The following IFT74 variants were observed in gnomAD, a reference collection of about 807,000 sequenced individuals.
IFT74 encodes intraflagellar transport protein 74 homolog.
IFT74 carries 92 observed loss-of-function variants against 96.7 expected under a neutral mutation model. That is an observed-to-expected ratio of 0.95 (90% CI 0.80 to 1.13). The LOEUF (loss-of-function observed/expected upper bound fraction) is 1.13. IFT74 is among the 50% of genes most tolerant of loss of function. The probability of loss-of-function intolerance (pLI) is 0.00; values close to 1 mark genes in which losing one functional copy is unlikely to be tolerated. For missense variants in IFT74, 811 were observed against 698.2 expected (o/e 1.16, Z -1.82); for synonymous variants, 223 against 213.2 (o/e 1.05, Z -0.40).
intron 18 of IFT74, among the ~76,000 whole-genome samples, chr9:27,057,842 A>G (rs1820236067): frequency 6.6e-6 from 1 of 151,876 alleles, no homozygotes; most frequent in Admixed American, 6.6e-5. Context: ...TGGGTGACAG[A>G]GCGAGACTCT....
At chr9:27,052,415 G>A (rs182505549) in intron 16 of IFT74, among the ~76,000 whole-genome samples, 98 of 149,464 alleles carry the variant, frequency 6.6e-4, no homozygotes, top group African/African-American at 2.3e-3. Context: ...GGCTGAGGCC[G>A]AAGAATCACT....
At position 27,028,991 on chromosome 9, in the gene IFT74, T is replaced by G. The variant is rs574361807; in HGVS notation, c.975-34T>G. On this transcript the variant is annotated intron_variant, in intron 12 of 19. Coordinates refer to ENST00000380062, the MANE Select transcript of IFT74 (RefSeq NM_025103.4). ...ATTGTTTTTATTGAATGTCTATATT[T>G]CCTTCATAAATTCATTAAAAATATT... 5.9e-6 allele frequency: 9 copies of G among 1,532,786 alleles called. No individual in the cohort carries two copies. The South Asian group carries it at 1.1e-4, about 19-fold the overall frequency. 94.9% of individuals were successfully genotyped at this position (1,532,786 alleles called of 1,614,324 possible).
Position 27,064,360 on chromosome 9 carries a change from T to C in IFT74, c.*1624T>C, listed in dbSNP as rs1820544686. Among the ~76,000 whole-genome samples, 1 of 152,120 alleles carries C rather than the reference T, an allele frequency of 6.6e-6. No individual in the cohort carries two copies. The highest frequency in any genetic ancestry group is 1.5e-5 in the Non-Finnish European group (1 of 67,984). On this transcript the variant is annotated 3_prime_UTR_variant, in exon 20 of 20. Coordinates refer to ENST00000380062, the MANE Select transcript of IFT74 (RefSeq NM_025103.4). ...GGAAATTGGTAGCAGAAAGTGCTTATAAAATTTCACAAGGGAAAAAAACTC... is the reference window on the plus strand; with the variant it reads ...GGAAATTGGTAGCAGAAAGTGCTTACAAAATTTCACAAGGGAAAAAAACTC...
At position 26,978,199 on chromosome 9, in the gene IFT74, A is replaced by T. The variant is rs367699955; in HGVS notation, c.192A>T (p.Gln64His). ...GGACTGGTGGAGTTCTGTCTTCTCA[A>T]ATCAAAGTTGCCCATCGCCCTGTAA... is the stretch of plus-strand genomic sequence containing the variant. ...PIGTGGVLSS[Q>H]IKVAHRPVTQ... is the part of the protein sequence containing the mutation. The change falls in exon 3 of 20, where the codon CAA (glutamine) becomes CAT (histidine). Residue 64 changes from glutamine (Q) to histidine (H), a missense_variant. Transcript: ENST00000380062. 13 of 1,613,598 alleles carry T rather than the reference A, an allele frequency of 8.1e-6. No homozygotes were observed. The highest frequency in any genetic ancestry group is 1.1e-5 in the Non-Finnish European group (13 of 1,179,908).
At chr9:26,953,616 A>G (rs1825998700), upstream of IFT74, among the ~76,000 whole-genome samples, 1 of 152,096 alleles carries the variant, frequency 6.6e-6, no homozygotes, top group Admixed American at 6.5e-5. Context: ...TCTCTATTTT[A>G]CAGTAGAATA....
intron 10 of IFT74, among the ~76,000 whole-genome samples, chr9:27,014,144 G>A (rs1387545787): frequency 1.3e-5 from 2 of 152,128 alleles, no homozygotes; most frequent in African/African-American, 4.8e-5. Flanking sequence ...GAACCCAGGA[G>A]GCAGAGCTTG....
At chr9:26,948,868 T>A (rs2131449448) in intron 1 of IFT74, among the ~76,000 whole-genome samples, 1 of 152,284 alleles carries the variant, frequency 6.6e-6, no homozygotes, top group South Asian at 2.1e-4. Flanking sequence ...ACTCTAGACA[T>A]TTCGAATTTG....
rs184606233 is a variant in IFT74 at position 27,052,037 on chromosome 9, A to T, written c.1334-3572A>T. 3.1e-3 allele frequency among the ~76,000 whole-genome samples: 471 copies of T among 152,328 alleles called. 1 individual carries two copies. The highest frequency in any genetic ancestry group is 6.8e-3 in the Middle Eastern group (2 of 294). Reference sequence around the variant, plus strand: ...ACCTTCATGCCTAAGTTTTTCATTTATCTAAAGTCAATGTAAATTCAACAA... The same window carrying T: ...ACCTTCATGCCTAAGTTTTTCATTTTTCTAAAGTCAATGTAAATTCAACAA... On this transcript the variant is annotated intron_variant, in intron 16 of 19. Transcript: ENST00000380062.
Position 26,997,754 on chromosome 9 carries a change from C to T in IFT74, c.587+7559C>T. On this transcript the variant is annotated intron_variant, in intron 8 of 19. Transcript: ENST00000380062. ...TAATGTCACATTTGATGTGTTCAACCAGTTCTGCAAATTAAATAGACTGCA... is the reference window on the plus strand; with the variant it reads ...TAATGTCACATTTGATGTGTTCAACTAGTTCTGCAAATTAAATAGACTGCA... 6.2e-6 allele frequency: 10 copies of T among 1,609,506 alleles called. No homozygotes were observed. In the South Asian group the frequency reaches 1.1e-4, roughly 18 times the overall value.
At chr9:27,015,200 T>C (rs1033654199) in intron 10 of IFT74, among the ~76,000 whole-genome samples, 2 of 152,214 alleles carry the variant, frequency 1.3e-5, no homozygotes, top group Admixed American at 1.3e-4. Context: ...TTCTTCTATG[T>C]CTTTTTAGCA....
chr9:27,065,038 C>T lies in IFT74; in HGVS notation c.*2302C>T, dbSNP rs894051551. ...TCCTTGACTCTAGAACTGAACCAAT[C>T]TTTACGCAGAAAGAAAGTAGGAGGA... On this transcript the variant is annotated 3_prime_UTR_variant, in exon 20 of 20. Coordinates refer to ENST00000380062, the MANE Select transcript of IFT74 (RefSeq NM_025103.4). Among the ~76,000 whole-genome samples the T allele has an allele frequency of 2.6e-5, 4 of 152,102 alleles. No individual in the cohort carries two copies. Among genetic ancestry groups the T allele is most frequent in the African/African-American group, 9.7e-5 (4 of 41,428 alleles).
At chr9:26,966,560 T>C (rs960545138) in intron 2 of IFT74, among the ~76,000 whole-genome samples, 5 of 152,116 alleles carry the variant, frequency 3.3e-5, no homozygotes, top group African/African-American at 1.2e-4. Context: ...GAGCACCTTA[T>C]ATATTCTGTT....
Position 27,048,097 on chromosome 9 carries a change from A to G in IFT74, c.1207-51A>G, listed in dbSNP as rs1361735271. The G allele has an allele frequency of 2.2e-6, 3 of 1,352,352 alleles. No individual in the cohort carries two copies. In the South Asian group the frequency reaches 4.6e-5, roughly 21 times the overall value. 83.8% of individuals were successfully genotyped at this position (1,352,352 alleles called of 1,614,324 possible). Reference sequence around the variant, plus strand: ...GTGTTTTCCAAGAGTTTTATTGAGAACTAACTAAATCAGTGGATTTTTTTC... The same window carrying G: ...GTGTTTTCCAAGAGTTTTATTGAGAGCTAACTAAATCAGTGGATTTTTTTC... On this transcript the variant is annotated intron_variant, in intron 15 of 19. Coordinates refer to ENST00000380062, the MANE Select transcript of IFT74 (RefSeq NM_025103.4).
At chr9:27,049,491 G>A (rs1466927346) in intron 16 of IFT74, among the ~76,000 whole-genome samples, 2 of 152,132 alleles carry the variant, frequency 1.3e-5, no homozygotes, top group Non-Finnish European at 2.9e-5. Context: ...TTCTAATGTG[G>A]GTAGAAGGTG....
chr9:27,008,994 G>T, intron 8 of IFT74, 26 bp from the exon 9 acceptor site: 1 of 1,588,638 alleles, frequency 6.3e-7, no homozygotes, highest in South Asian at 1.1e-5. Flanking sequence ...TATAGTATCA[G>T]GAATATTACG....
intron 7 of IFT74, among the ~76,000 whole-genome samples, chr9:26,989,701 G>A (rs1339842115): frequency 6.6e-6 from 1 of 152,024 alleles, no homozygotes; most frequent in African/African-American, 2.4e-5. Context: ...TGGGATGGGG[G>A]GTCTGTTTTC....
intron 1 of IFT74, among the ~76,000 whole-genome samples, chr9:26,960,460 T>C (rs890675270): frequency 4.6e-5 from 7 of 152,244 alleles, no homozygotes. Flanking sequence ...TGAAACAATG[T>C]TTACCCTTCA....
At chr9:27,049,269 C>G (rs1819826812) in intron 16 of IFT74, among the ~76,000 whole-genome samples, 1 of 152,114 alleles carries the variant, frequency 6.6e-6, no homozygotes, top group Admixed American at 6.6e-5. Context: ...TGCAAATAGA[C>G]TAGTACACAT....
chr9:27,051,053 T>C (rs1034879783), intron 16 of IFT74, among the ~76,000 whole-genome samples: 1 of 152,204 alleles, frequency 6.6e-6, no homozygotes, highest in African/African-American at 2.4e-5. Context: ...TTTATGCTTT[T>C]TGCTATAGAA....
Sources: allele counts gnomAD v4.1 joint callset (sites outside exome capture counted in the v4.1 genomes callset), GRCh38; gene constraint gnomAD v4.1.1; transcripts MANE v1.5; gene names NCBI Gene and HGNC (gene_info 2026-07-23, HGNC 2026-07-21).